ERMARD: variants seen among roughly 807,000 people sequenced by gnomAD.
ERMARD encodes endoplasmic reticulum membrane-associated RNA degradation protein.
In ERMARD, 71 loss-of-function variants were observed where a neutral mutation model predicts 83.9. The ratio of observed to expected loss-of-function variants is 0.85; its 90% confidence interval spans 0.70 to 1.03. ERMARD has a LOEUF of 1.03. Among genes scored for constraint, ERMARD ranks in the 50% least tolerant of loss-of-function variants. ERMARD has a pLI of 0.00. For missense variants in ERMARD, 838 were observed against 810.9 expected, an observed-to-expected ratio of 1.03 and a Z score of -0.41; for synonymous variants, 284 against 298.6, an observed-to-expected ratio of 0.95 and a Z score of 0.50.
intron 9 of ERMARD, among the ~76,000 whole-genome samples, chr6:169,766,221 C>T (rs972894949): frequency 6.6e-6 from 1 of 152,224 alleles, no homozygotes; most frequent in Admixed American, 6.5e-5. Flanking sequence ...GCCGATGATG[C>T]TGAGAAGCAG....
At chr6:169,779,348 G>A (rs1398865022) in intron 17 of ERMARD, 53 bp downstream of exon 17, 28 of 1,507,566 alleles carry the variant, frequency 1.9e-5, no homozygotes, top group Admixed American at 1.2e-4. Context: ...GGCAGATTGC[G>A]GGTGAGCCTG....
At chr6:169,766,534 T>G in intron 9 of ERMARD, 104 bp from the exon 10 acceptor site, 2 of 803,196 alleles carry the variant, frequency 2.5e-6, no homozygotes, top group East Asian at 2.8e-5. Flanking sequence ...CAAAAAACTT[T>G]GGGATGTGTG....
Position 169,781,442 on chromosome 6 carries a change from T to G in ERMARD, c.1966T>G (p.Trp656Gly). ...TACACATACAGCTTTGTTGAAAATG[T>G]GGACTTTTAGTGAGAAGAAACAAAT... ...NLTHTALLKM[W>G]TFSEKKQMLI... Residue 656 changes from tryptophan (W) to glycine (G), a missense_variant, in exon 18 of 18, where the codon TGG becomes GGG. Trp to Gly is a radical substitution (Grantham distance 184). Coordinates refer to ENST00000366773, the MANE Select transcript of ERMARD (RefSeq NM_018341.3). 1 of 1,612,550 alleles carries G rather than the reference T, an allele frequency of 6.2e-7. No individual in the cohort carries two copies. The highest frequency in any genetic ancestry group is 8.5e-7 in the Non-Finnish European group (1 of 1,179,512).
intron 5 of ERMARD, among the ~76,000 whole-genome samples, chr6:169,757,737 G>A (rs2151579): frequency 0.28 from 43,250 of 152,114 alleles, 6,855 homozygotes; most frequent in African/African-American, 0.42. Context: ...GATTTTTGGA[G>A]TAAAGAAATC....
intron 9 of ERMARD, among the ~76,000 whole-genome samples, chr6:169,764,973 G>T (rs1792018111): frequency 6.6e-6 from 1 of 152,194 alleles, no homozygotes; most frequent in African/African-American, 2.4e-5. Context: ...TTCTGCAGAG[G>T]TCTCTGCGGG....
chr6:169,762,872 C>A (rs1005019210), intron 9 of ERMARD, among the ~76,000 whole-genome samples: 1 of 152,196 alleles, frequency 6.6e-6, no homozygotes, highest in Non-Finnish European at 1.5e-5. Flanking sequence ...GTGGTTGAAC[C>A]TGACCTTGGG....
At chr6:169,754,149 G>A (rs1790502833) in intron 2 of ERMARD, 117 bp downstream of exon 2, 11 of 931,192 alleles carry the variant, frequency 1.2e-5, no homozygotes, top group Non-Finnish European at 1.7e-5. Flanking sequence ...TATAATACAG[G>A]CCTAACTCCA....
chr6:169,756,843 A>G (rs1790879481), intron 5 of ERMARD, 35 bp downstream of exon 5: 1 of 1,576,188 alleles, frequency 6.3e-7, no homozygotes, highest in Non-Finnish European at 8.7e-7. Flanking sequence ...GGAGTATATT[A>G]GTCCGTTTTC....
intron 8 of ERMARD, among the ~76,000 whole-genome samples, chr6:169,761,115 A>T (rs1791493790): frequency 6.6e-6 from 1 of 152,208 alleles, no homozygotes; most frequent in Admixed American, 6.5e-5. Context: ...TATGGTCGCC[A>T]CCAGAAGGTC....
chr6:169,768,845 C>CT (rs1014882849), intron 11 of ERMARD, among the ~76,000 whole-genome samples: 1 of 152,172 alleles, frequency 6.6e-6, no homozygotes, highest in Non-Finnish European at 1.5e-5. Context: ...TTAAGGCCAT[C>CT]TATCCATTTT....
intron 10 of ERMARD, chr6:169,767,750 A>G (rs989735184): frequency 2.4e-5 from 6 of 251,094 alleles, no homozygotes; most frequent in Non-Finnish European, 4.2e-5. Context: ...ATGCAGGCAC[A>G]TACACTACAC....
chr6:169,780,270 C>T (rs1007459601), intron 17 of ERMARD, among the ~76,000 whole-genome samples: 6 of 152,122 alleles, frequency 3.9e-5, no homozygotes, highest in African/African-American at 1.4e-4. Flanking sequence ...ATACCAATGG[C>T]ACCCCTACCC....
Position 169,776,646 on chromosome 6 carries a change from G to C in ERMARD, c.1712G>C (p.Arg571Pro), listed in dbSNP as rs371767163. ...GAAAGGACGCTGCGGTCTCGCCAGC[G>C]GCAGAACTACCTGCGTATGTGGAGT... ...WVERTLRSRQ[R>P]QNYLRMWSSI... Residue 571 changes from arginine to proline, a missense_variant, in exon 16 of 18, where the codon CGG (arginine) becomes CCG (proline). Physicochemically the swap from Arg to Pro is moderately radical, Grantham distance 103 (BLOSUM62 -2). Coordinates refer to ENST00000366773, the MANE Select transcript of ERMARD (RefSeq NM_018341.3). The C allele has an allele frequency of 6.2e-7, 1 of 1,614,030 alleles. No individual in the cohort carries two copies. The highest frequency in any genetic ancestry group is 2.2e-5 in the East Asian group (1 of 44,886).
chr6:169,765,204 C>T (rs1398513928), intron 9 of ERMARD, among the ~76,000 whole-genome samples: 3 of 152,218 alleles, frequency 2.0e-5, no homozygotes, highest in African/African-American at 4.8e-5. Flanking sequence ...ATTTACTTGT[C>T]ATTTGACTTC....
At chr6:169,751,736 C>T (rs1790127238) in intron 1 of ERMARD, 73 bp downstream of exon 1, 1 of 1,472,396 alleles carries the variant, frequency 6.8e-7, no homozygotes, top group South Asian at 1.4e-5. Context: ...TGGTGCTCGG[C>T]TACGCGGAGT....
intron 15 of ERMARD, 25 bp downstream of exon 15, chr6:169,776,090 C>G: frequency 6.2e-7 from 1 of 1,608,710 alleles, no homozygotes; most frequent in Non-Finnish European, 8.5e-7. Flanking sequence ...ATCCTGACAA[C>G]TGTTGAAACA....
In ERMARD at chr6:169,754,026, G is replaced by C. The variant is rs1790484830; in HGVS notation, c.169G>C (p.Glu57Gln). 1 of 1,609,384 alleles carries C rather than the reference G, an allele frequency of 6.2e-7. No individual in the cohort carries two copies. The highest frequency in any genetic ancestry group is 1.3e-5 in the African/African-American group (1 of 74,802). Reference sequence around the variant, plus strand: ...AATCACAGACTGTGTGAGCTACACAGAGTCAGGTTTGTGCTGTCTTTGTAC... The same window carrying C: ...AATCACAGACTGTGTGAGCTACACACAGTCAGGTTTGTGCTGTCTTTGTAC... ...KTITDCVSYTESEQGLDYWGS... is the reference protein window; with the variant it reads ...KTITDCVSYTQSEQGLDYWGS... Residue 57 changes from glutamate (E) to glutamine (Q), a missense_variant, in exon 2 of 18, where the codon GAG becomes CAG. Coordinates refer to ENST00000366773, the MANE Select transcript of ERMARD (RefSeq NM_018341.3).
intron 9 of ERMARD, 85 bp from the exon 10 acceptor site, chr6:169,766,553 C>T (rs2128353064): frequency 8.9e-7 from 1 of 1,120,618 alleles, no homozygotes; most frequent in Non-Finnish European, 1.3e-6. Context: ...TGGCCATGTA[C>T]CAGAATTTTT....
At position 169,760,687 on chromosome 6, in the gene ERMARD, A is replaced by T; in HGVS notation, c.788A>T (p.Lys263Ile). Residue 263 changes from lysine to isoleucine, a missense_variant, in exon 8 of 18, where the codon AAA becomes ATA. Coordinates refer to ENST00000366773, the MANE Select transcript of ERMARD (RefSeq NM_018341.3). The stretch of plus-strand genomic sequence containing the variant: ...TCAGTATTAGAAGAAGTGATGATGA[A>T]ATCTGCTTTTATATTAAAAATCATG... ...VLSVLEEVMM[K>I]SAFILKIMLP... The T allele has an allele frequency of 2.5e-6, 4 of 1,613,928 alleles. No individual in the cohort carries two copies. The highest frequency in any genetic ancestry group is 3.4e-6 in the Non-Finnish European group (4 of 1,179,846).
Sources: allele counts gnomAD v4.1 joint callset (sites outside exome capture counted in the v4.1 genomes callset), GRCh38; gene constraint gnomAD v4.1.1; transcripts MANE v1.5; gene names NCBI Gene and HGNC (gene_info 2026-07-23, HGNC 2026-07-21).